The following RANBP17 variants were observed in gnomAD, a reference collection of about 807,000 sequenced individuals.
The protein encoded by RANBP17 is ran-binding protein 17.
Under a neutral mutation model 141.2 loss-of-function variants are expected in RANBP17, and 158 were observed. The observed-to-expected ratio is 1.12, with a 90% CI of 0.98 to 1.28. The LOEUF is 1.28. RANBP17 is among the 50% of genes most tolerant of loss of function. RANBP17 has a pLI of 0.00. For synonymous variants in RANBP17, 430 were observed against 450.0 expected (o/e 0.96, Z 0.56); for missense variants, 1,438 against 1,290.7 (o/e 1.11, Z -1.75).
intron 14 of RANBP17, among the ~76,000 whole-genome samples, chr5:171,017,062 A>G (rs144192999): frequency 5.8e-4 from 88 of 152,226 alleles, no homozygotes; most frequent in Non-Finnish European, 1.1e-3. Context: ...GCTTCATCCC[A>G]TGTCCCAGAA....
At chr5:170,905,447 TAAA>T (rs1204445024) in intron 5 of RANBP17, among the ~76,000 whole-genome samples, 1 of 152,048 alleles carries the variant, frequency 6.6e-6, no homozygotes, top group African/African-American at 2.4e-5. Context: ...GCCATGTGCA[TAAA>T]AAAATACAAA....
intron 24 of RANBP17, chr5:171,251,957 A>G: frequency 6.2e-7 from 1 of 1,609,414 alleles, no homozygotes; most frequent in Non-Finnish European, 8.5e-7. Context: ...AATACCTGCT[A>G]CTGCAATTCA....
chr5:171,044,345 A>G (rs376548489), intron 14 of RANBP17, among the ~76,000 whole-genome samples: 1 of 152,110 alleles, frequency 6.6e-6, no homozygotes, highest in Admixed American at 6.6e-5. Flanking sequence ...ATAACATTAA[A>G]GTCATATATA....
intron 19 of RANBP17, 45 bp from the exon 20 acceptor site, chr5:171,205,479 G>C (rs1425440890): frequency 6.7e-7 from 1 of 1,494,778 alleles, no homozygotes; most frequent in African/African-American, 1.4e-5. Context: ...CATCTGCTCT[G>C]CGCTAACGTG....
At chr5:171,134,245 A>T (rs1757118853) in intron 14 of RANBP17, among the ~76,000 whole-genome samples, 1 of 152,222 alleles carries the variant, frequency 6.6e-6, no homozygotes, top group Admixed American at 6.5e-5. Context: ...AATTGAGATG[A>T]TCATAAATAT....
chr5:170,912,355 C>T (rs955304004), intron 7 of RANBP17, among the ~76,000 whole-genome samples: 1 of 151,816 alleles, frequency 6.6e-6, no homozygotes, highest in African/African-American at 2.4e-5. Flanking sequence ...AAGAAATTAC[C>T]ATTGTAGGAA....
At chr5:171,154,848 G>A (rs1038707993) in intron 14 of RANBP17, among the ~76,000 whole-genome samples, 6 of 152,046 alleles carry the variant, frequency 3.9e-5, no homozygotes, top group South Asian at 4.2e-4. Context: ...GCCGAGGCAC[G>A]TGGAGCACCT....
intron 14 of RANBP17, among the ~76,000 whole-genome samples, chr5:171,139,745 T>C (rs1025153580): frequency 3.3e-5 from 5 of 152,138 alleles, no homozygotes; most frequent in African/African-American, 1.2e-4. Context: ...TTTCTCACCT[T>C]CGCCCACTTT....
intron 25 of RANBP17, among the ~76,000 whole-genome samples, chr5:171,272,210 G>A (rs751094005): frequency 3.3e-5 from 5 of 152,100 alleles, no homozygotes; most frequent in Non-Finnish European, 5.9e-5. Flanking sequence ...GTTGGAGGAG[G>A]GTGAAGATCA....
intron 22 of RANBP17, among the ~76,000 whole-genome samples, chr5:171,239,695 G>A (rs1476629804): frequency 6.6e-6 from 1 of 152,178 alleles, no homozygotes; most frequent in African/African-American, 2.4e-5. Flanking sequence ...GGTAGCTGGT[G>A]TTATGGTATA....
chr5:171,210,456 C>T (rs1377081044), intron 20 of RANBP17, among the ~76,000 whole-genome samples: 3 of 152,140 alleles, frequency 2.0e-5, no homozygotes, highest in African/African-American at 7.2e-5. Context: ...TATCCTGGTC[C>T]TAATGCCATT....
At chr5:170,873,456 G>C (rs895117027) in intron 1 of RANBP17, among the ~76,000 whole-genome samples, 3 of 152,168 alleles carry the variant, frequency 2.0e-5, no homozygotes, top group Non-Finnish European at 4.4e-5. Flanking sequence ...GGTAGAATTC[G>C]ACTGTGAATC....
intron 18 of RANBP17, among the ~76,000 whole-genome samples, chr5:171,197,899 C>A (rs1399958971): frequency 6.6e-6 from 1 of 152,066 alleles, no homozygotes; most frequent in Non-Finnish European, 1.5e-5. Flanking sequence ...ATTAGCCGGG[C>A]GTTGTGGCAG....
chr5:170,908,950 T>C (rs2127417627), intron 5 of RANBP17, among the ~76,000 whole-genome samples: 1 of 151,984 alleles, frequency 6.6e-6, no homozygotes, highest in South Asian at 2.1e-4. Context: ...CTGTAGACCA[T>C]AGTGTTAATG....
intron 14 of RANBP17, among the ~76,000 whole-genome samples, chr5:171,046,542 T>G (rs1478417909): frequency 1.3e-5 from 2 of 152,180 alleles, no homozygotes; most frequent in African/African-American, 4.8e-5. Context: ...TGTAATTTTA[T>G]GAATGTACCA....
chr5:171,177,392 T>C (rs931228142), intron 16 of RANBP17, among the ~76,000 whole-genome samples: 1 of 152,154 alleles, frequency 6.6e-6, no homozygotes, highest in Non-Finnish European at 1.5e-5. Flanking sequence ...ACCTGCTTCT[T>C]AGGTCAAGCA....
chr5:171,229,684 T>C (rs909610221), intron 22 of RANBP17, among the ~76,000 whole-genome samples: 2 of 144,542 alleles, frequency 1.4e-5, no homozygotes, highest in Non-Finnish European at 3.0e-5. Context: ...CGTGAGCCAC[T>C]GCGCCTGGCT....
At chr5:171,093,163 T>G (rs544705901) in intron 14 of RANBP17, among the ~76,000 whole-genome samples, 3 of 150,448 alleles carry the variant, frequency 2.0e-5, no homozygotes, top group African/African-American at 7.4e-5. Flanking sequence ...TGAGCCAGGA[T>G]CACACCGTTG....
chr5:171,116,452 T>A (rs571924212), intron 14 of RANBP17, among the ~76,000 whole-genome samples: 4 of 152,306 alleles, frequency 2.6e-5, no homozygotes, highest in Admixed American at 2.6e-4. Context: ...ATAACACTGG[T>A]GTAATGGCCA....
Sources: allele counts gnomAD v4.1 joint callset (sites outside exome capture counted in the v4.1 genomes callset), GRCh38; gene constraint gnomAD v4.1.1; transcripts MANE v1.5; gene names NCBI Gene and HGNC (gene_info 2026-07-23, HGNC 2026-07-21).